The following JAK2 variants were observed in gnomAD, a reference collection of about 807,000 sequenced individuals.
JAK2 encodes the protein tyrosine-protein kinase JAK2.
JAK2 carries 86 observed loss-of-function variants against 139.3 expected under a neutral mutation model. That is an observed-to-expected ratio of 0.62 (90% confidence interval 0.52 to 0.74). The LOEUF (loss-of-function observed/expected upper bound fraction) is 0.74, where lower values mean the gene tolerates loss of function less well. JAK2 is among the 30% of genes least tolerant of loss of function. The pLI is 0.00. For synonymous variants in JAK2, 490 were observed against 437.7 expected (o/e 1.12, Z -1.49); for missense variants, 1,421 against 1,360.3 (o/e 1.04, Z -0.70).
At position 5,029,765 on chromosome 9, in the gene JAK2, T is replaced by G; in HGVS notation, c.227-18T>G. Reference sequence around the variant, plus strand: ...TGTTGTGTACCTTTAATAATTCCTTTCTCTGCTTCTTTTCTAGGTATCACA... The same window carrying G: ...TGTTGTGTACCTTTAATAATTCCTTGCTCTGCTTCTTTTCTAGGTATCACA... On this transcript the variant is annotated intron_variant, in intron 3 of 24. Transcript: ENST00000381652. 6.3e-7 allele frequency: 1 copy of G among 1,596,364 alleles called. No individual in the cohort carries two copies. Among genetic ancestry groups the G allele is most frequent in the African/African-American group, 1.3e-5 (1 of 74,354 alleles).
At chr9:5,094,222 C>G (rs1475565598) in intron 22 of JAK2, 1 of 152,142 alleles carries the variant, frequency 6.6e-6, no homozygotes, top group Non-Finnish European at 1.5e-5. Flanking sequence ...CAACCATTTG[C>G]TGACCCAATA....
In JAK2 at chr9:5,128,526, C is replaced by T. The variant is rs762747898; in HGVS notation, c.*1735C>T. On this transcript the variant is annotated 3_prime_UTR_variant, in exon 25 of 25. Transcript: ENST00000381652. ...TTCAGATTTTCATACTAAAACTTAA[C>T]TACATACTTAAAAGTAGGTTCTTAT... Among the ~76,000 whole-genome samples the T allele has an allele frequency of 6.6e-6, 1 of 151,824 alleles. No individual in the cohort carries two copies. The highest frequency in any genetic ancestry group is 1.5e-5 in the Non-Finnish European group (1 of 67,762).
chr9:5,028,269 A>C (rs1369263496), intron 3 of JAK2, among the ~76,000 whole-genome samples: 1 of 152,200 alleles, frequency 6.6e-6, no homozygotes, highest in Non-Finnish European at 1.5e-5. Context: ...GACCAGGTGC[A>C]TTGTCAATGA....
At chr9:5,006,223 T>C (rs1821292856) in intron 2 of JAK2, among the ~76,000 whole-genome samples, 1 of 152,186 alleles carries the variant, frequency 6.6e-6, no homozygotes, top group Non-Finnish European at 1.5e-5. Flanking sequence ...CCTTGTAAGT[T>C]GGATTCCTAG....
rs1399391531 is a variant in JAK2, at chr9:5,129,081, G to A, written c.*2290G>A. Among the ~76,000 whole-genome samples, 1 of 151,962 alleles carries A rather than the reference G, an allele frequency of 6.6e-6. No individual in the cohort carries two copies. Among genetic ancestry groups the A allele is most frequent in the African/African-American group, 2.4e-5 (1 of 41,398 alleles). Reference sequence around the variant, plus strand: ...TTTAACCTAAGGCTTCTAGTTTACAGTCAAGTGTAATTTTCATCACAACTA... The same window carrying A: ...TTTAACCTAAGGCTTCTAGTTTACAATCAAGTGTAATTTTCATCACAACTA... On this transcript the variant is annotated 3_prime_UTR_variant, in exon 25 of 25. Coordinates refer to ENST00000381652, the MANE Select transcript of JAK2 (RefSeq NM_004972.4).
rs1321992857 is a variant in JAK2, at chr9:5,022,073, C to G, written c.86C>G (p.Ala29Gly). 4.3e-6 allele frequency: 7 copies of G among 1,613,876 alleles called. No individual in the cohort carries two copies. The highest frequency in any genetic ancestry group is 5.9e-6 in the Non-Finnish European group (7 of 1,179,792). Residue 29 changes from alanine (A) to glycine (G), a missense_variant, in exon 3 of 25, where the codon GCC becomes GGC. Physicochemically the swap from Ala to Gly is moderately conservative, Grantham distance 60. Coordinates refer to ENST00000381652, the MANE Select transcript of JAK2 (RefSeq NM_004972.4). Reference sequence around the variant, plus strand: ...CAGAATGGTGATATTTCTGGAAATGCCAATTCTATGAAGCAAATAGATCCA... The same window carrying G: ...CAGAATGGTGATATTTCTGGAAATGGCAATTCTATGAAGCAAATAGATCCA... Reference protein sequence around the residue: ...IYQNGDISGNANSMKQIDPVL... With the variant: ...IYQNGDISGNGNSMKQIDPVL...
chr9:5,114,523 A>C (rs3780381), intron 22 of JAK2: 127,369 of 464,646 alleles, frequency 0.27, 18,148 homozygotes, highest in Admixed American at 0.3. Flanking sequence ...ACGCTAGAAG[A>C]GCCGAGGAAC....
intron 2 of JAK2, among the ~76,000 whole-genome samples, chr9:4,991,170 G>A (rs1820219754): frequency 6.6e-6 from 1 of 152,174 alleles, no homozygotes; most frequent in South Asian, 2.1e-4. Flanking sequence ...TTGAATGATT[G>A]ATGAAATTAG....
intron 22 of JAK2, among the ~76,000 whole-genome samples, chr9:5,118,136 G>A (rs1279942940): frequency 6.6e-6 from 1 of 152,176 alleles, no homozygotes; most frequent in Non-Finnish European, 1.5e-5. Flanking sequence ...ACTCCAGCCT[G>A]GGCGACAGAG....
At position 5,004,590 on chromosome 9, in the gene JAK2, A is replaced by G. The variant is rs114023427; in HGVS notation, c.-25-17373A>G. Among the ~76,000 whole-genome samples the G allele has an allele frequency of 6.9e-3, 1,051 of 152,300 alleles. 21 individuals are homozygous for G. Among genetic ancestry groups the G allele is most frequent in the African/African-American group, 0.024 (1,002 of 41,566 alleles). On this transcript the variant is annotated intron_variant, in intron 2 of 24. Transcript: ENST00000381652. Reference sequence around the variant, plus strand: ...CTTGGCTATTAAGAATAATGCTGCAATGAGCATGGGAGTGTAGATATTGCT... The same window carrying G: ...CTTGGCTATTAAGAATAATGCTGCAGTGAGCATGGGAGTGTAGATATTGCT...
chr9:5,023,864 T>A (rs921645202), intron 3 of JAK2, among the ~76,000 whole-genome samples: 1 of 152,190 alleles, frequency 6.6e-6, no homozygotes, highest in African/African-American at 2.4e-5. Flanking sequence ...CTCTGATCCT[T>A]TAGCTTATAG....
At chr9:5,102,511 G>T (rs1231112576) in intron 22 of JAK2, among the ~76,000 whole-genome samples, 1 of 152,100 alleles carries the variant, frequency 6.6e-6, no homozygotes, top group Non-Finnish European at 1.5e-5. Context: ...ACCAAGGCAG[G>T]CCAACATTCA....
chr9:5,080,092 T>C, intron 16 of JAK2, 137 bp from the exon 17 acceptor site: 2 of 608,420 alleles, frequency 3.3e-6, no homozygotes, highest in Non-Finnish European at 5.6e-6. Context: ...GTCATGTGCA[T>C]GTGCACATCC....
At chr9:5,068,911 G>T in intron 10 of JAK2, 111 bp from the exon 11 acceptor site, 1 of 628,800 alleles carries the variant, frequency 1.6e-6, no homozygotes, top group African/African-American at 1.9e-5. Context: ...TCGGATTCAT[G>T]GTTCAAATGT....
At chr9:5,105,974 A>G (rs889485522) in intron 22 of JAK2, among the ~76,000 whole-genome samples, 4 of 152,366 alleles carry the variant, frequency 2.6e-5, no homozygotes, top group Non-Finnish European at 4.4e-5. Context: ...AAGAAAGCCT[A>G]GGCAATACCA....
At chr9:5,004,841 G>C (rs564514627) in intron 2 of JAK2, among the ~76,000 whole-genome samples, 128 of 151,418 alleles carry the variant, frequency 8.5e-4, no homozygotes, top group Non-Finnish European at 1.7e-3. Flanking sequence ...CATGAGGTGA[G>C]ATCTCACTAT....
In JAK2 at chr9:5,054,421, A is replaced by T; in HGVS notation, c.615-142A>T. ...GTTTTATACTGTATGGATGGGGGTT[A>T]TGTCAACTTACGCCACTTGGCCACT... On this transcript the variant is annotated intron_variant, in intron 6 of 24. Coordinates refer to ENST00000381652, the MANE Select transcript of JAK2 (RefSeq NM_004972.4). This position sits in a 1 kb window ranked among gnomAD's most constrained non-coding sequence, Gnocchi z 4.9. The T allele has an allele frequency of 1.6e-6, 1 of 621,158 alleles. No individual in the cohort carries two copies. The highest frequency in any genetic ancestry group is 2.1e-5 in the South Asian group (1 of 47,478). The allele number at this position is 621,158 out of a possible 1,614,324, so 38.5% of individuals were successfully genotyped here.
rs550957698 is a variant in JAK2, at chr9:5,127,751, T to C, written c.*960T>C. On this transcript the variant is annotated 3_prime_UTR_variant, in exon 25 of 25. Coordinates refer to ENST00000381652, the MANE Select transcript of JAK2 (RefSeq NM_004972.4). Reference sequence around the variant, plus strand: ...AAGCCATAAAATAGATTAGATTGTTTTTTAAAAATGGATAGCTCATTAAGA... The same window carrying C: ...AAGCCATAAAATAGATTAGATTGTTCTTTAAAAATGGATAGCTCATTAAGA... 1 of 232,630 alleles carries C rather than the reference T, an allele frequency of 4.3e-6. No homozygotes were observed. Among genetic ancestry groups the C allele is most frequent in the Non-Finnish European group, 8.5e-6 (1 of 117,272 alleles). The allele number at this position is 232,630 out of a possible 1,614,324, so 14.4% of individuals were successfully genotyped here.
At chr9:5,112,748 C>T (rs1822730060) in intron 22 of JAK2, 3 of 686,842 alleles carry the variant, frequency 4.4e-6, no homozygotes, top group East Asian at 3.2e-5. Flanking sequence ...TTTGAAACGG[C>T]GAGAAGAGAA....
Sources: allele counts gnomAD v4.1 joint callset (sites outside exome capture counted in the v4.1 genomes callset), GRCh38; gene constraint gnomAD v4.1.1; non-coding constraint Gnocchi (gnomAD v3.1); transcripts MANE v1.5; gene names NCBI Gene and HGNC (gene_info 2026-07-23, HGNC 2026-07-21).